The following AFF3 variants were observed in gnomAD, a reference collection of about 807,000 sequenced individuals.
AFF3 encodes the protein AF4/FMR2 family member 3.
Under a neutral mutation model 129.7 loss-of-function variants are expected in AFF3, and 32 were observed. That is an observed-to-expected ratio of 0.25 (90% CI 0.19 to 0.33). AFF3 has a LOEUF of 0.33. Among genes scored for constraint, AFF3 ranks in the 10% least tolerant of loss-of-function variants. The pLI is 1.00. For synonymous variants in AFF3, 644 were observed against 635.4 expected, an observed-to-expected ratio of 1.01 and a Z score of -0.20; for missense variants, 1,373 against 1,592.0, an observed-to-expected ratio of 0.86 and a Z score of 2.34.
chr2:99,600,907 A>G (rs1679764215), intron 14 of AFF3, among the ~76,000 whole-genome samples: 1 of 152,058 alleles, frequency 6.6e-6, no homozygotes, highest in Admixed American at 6.5e-5. Flanking sequence ...GGGTGATGCT[A>G]ATTTTTCTTT....
chr2:99,733,004 C>A (rs1418389823), intron 10 of AFF3, among the ~76,000 whole-genome samples: 2 of 152,060 alleles, frequency 1.3e-5, no homozygotes, highest in African/African-American at 4.8e-5. Context: ...GTATTAATTT[C>A]TTATTCATAG....
intron 7 of AFF3, among the ~76,000 whole-genome samples, chr2:99,852,286 C>T (rs1690205758): frequency 6.6e-6 from 1 of 151,844 alleles, no homozygotes. Flanking sequence ...CCACTGTGCC[C>T]CCAAAGAAGA....
At chr2:99,617,153 T>C (rs1681520740) in intron 13 of AFF3, among the ~76,000 whole-genome samples, 1 of 152,264 alleles carries the variant, frequency 6.6e-6, no homozygotes. Context: ...TACGTTTTCA[T>C]TTCTCTTGGG....
At chr2:100,019,178 C>T (rs1683382388) in intron 4 of AFF3, among the ~76,000 whole-genome samples, 1 of 152,056 alleles carries the variant, frequency 6.6e-6, no homozygotes. Flanking sequence ...AGCCCAGAGA[C>T]CCTCAACGTT....
chr2:99,982,396 T>G (rs1576476901), intron 7 of AFF3, among the ~76,000 whole-genome samples: 1 of 152,212 alleles, frequency 6.6e-6, no homozygotes, highest in African/African-American at 2.4e-5. Flanking sequence ...TGCCTTGCCT[T>G]CCGCCATGAT....
intron 11 of AFF3, among the ~76,000 whole-genome samples, chr2:99,701,049 C>A (rs1459599438): frequency 6.6e-6 from 1 of 152,164 alleles, no homozygotes; most frequent in Non-Finnish European, 1.5e-5. Flanking sequence ...TGTCCAGGAC[C>A]AGAGTACTAG....
intron 11 of AFF3, among the ~76,000 whole-genome samples, chr2:99,706,590 T>C (rs1465405976): frequency 6.6e-6 from 1 of 152,188 alleles, no homozygotes; most frequent in East Asian, 1.9e-4. Context: ...CAATGCACCT[T>C]ATAAAAGAAA....
At chr2:99,707,045 T>A (rs1677464519) in intron 11 of AFF3, 1 of 958,412 alleles carries the variant, frequency 1.0e-6, no homozygotes, top group South Asian at 4.8e-5. Flanking sequence ...TTCCCCAGAA[T>A]GTAATCATCC....
chr2:99,705,032 G>A (rs971535020), intron 11 of AFF3, among the ~76,000 whole-genome samples: 1 of 152,190 alleles, frequency 6.6e-6, no homozygotes, highest in Non-Finnish European at 1.5e-5. Context: ...GCTGAACCCT[G>A]GTAGGAATAT....
At chr2:99,841,701 T>G (rs1376326018) in intron 7 of AFF3, among the ~76,000 whole-genome samples, 4 of 152,160 alleles carry the variant, frequency 2.6e-5, no homozygotes, top group Non-Finnish European at 5.9e-5. Context: ...CCCAAGTCAA[T>G]GACTTTAACA....
chr2:99,560,343 C>G, intron 21 of AFF3, 22 bp downstream of exon 21: 6 of 1,613,060 alleles, frequency 3.7e-6, no homozygotes, highest in Non-Finnish European at 4.2e-6. Flanking sequence ...GGCTGCTATT[C>G]TAAGCGGAGA....
At chr2:100,001,913 C>T (rs1681453452) in intron 7 of AFF3, among the ~76,000 whole-genome samples, 1 of 152,252 alleles carries the variant, frequency 6.6e-6, no homozygotes, top group African/African-American at 2.4e-5. Flanking sequence ...ATACGCAGTA[C>T]AGGCACTCCA....
At chr2:99,560,088 C>T (rs763956865) in intron 21 of AFF3, among the ~76,000 whole-genome samples, 4 of 152,206 alleles carry the variant, frequency 2.6e-5, no homozygotes, top group Admixed American at 6.5e-5. Context: ...TGGTGAAACC[C>T]CATCTCTACT....
intron 13 of AFF3, among the ~76,000 whole-genome samples, chr2:99,644,233 G>A (rs1684483002): frequency 2.0e-5 from 3 of 152,226 alleles, no homozygotes; most frequent in Admixed American, 2.0e-4. Flanking sequence ...GCCGTTGCTG[G>A]AGTCGCAGGC....
intron 7 of AFF3, 26 bp downstream of exon 7, chr2:100,006,606 T>C (rs764103220): frequency 5.1e-6 from 8 of 1,578,382 alleles, no homozygotes; most frequent in Non-Finnish European, 6.0e-6. Context: ...TGCAGTTGCA[T>C]GTGAACGGTG....
intron 13 of AFF3, among the ~76,000 whole-genome samples, chr2:99,602,111 C>T (rs906165953): frequency 3.3e-5 from 5 of 152,188 alleles, no homozygotes; most frequent in South Asian, 4.1e-4. Flanking sequence ...AAGGGCACGG[C>T]GTTCTGCTCT....
intron 22 of AFF3, among the ~76,000 whole-genome samples, chr2:99,557,187 A>G (rs1675008047): frequency 6.6e-6 from 1 of 152,118 alleles, no homozygotes; most frequent in South Asian, 2.1e-4. Context: ...TTTGTTGTTG[A>G]TTAATTAAAA....
chr2:100,008,767 G>C (rs1202446392), intron 5 of AFF3, 45 bp downstream of exon 5: 1 of 1,599,780 alleles, frequency 6.3e-7, no homozygotes, highest in African/African-American at 1.3e-5. Context: ...CAGGGAGTGA[G>C]AGAAACAAGT....
At chr2:99,749,958 TATA>T (rs556806107) in intron 9 of AFF3, among the ~76,000 whole-genome samples, 140 of 152,320 alleles carry the variant, frequency 9.2e-4, no homozygotes, top group African/African-American at 3.2e-3. Flanking sequence ...CTGATAGTAT[TATA>T]ATAACTTACT....
Sources: allele counts gnomAD v4.1 joint callset (sites outside exome capture counted in the v4.1 genomes callset), GRCh38; gene constraint gnomAD v4.1.1; transcripts MANE v1.5; gene names NCBI Gene and HGNC (gene_info 2026-07-23, HGNC 2026-07-21).